The following ERBB4 variants were observed in gnomAD, a reference collection of about 807,000 sequenced individuals.
The protein encoded by ERBB4 is erb-b2 receptor tyrosine kinase 4, also known as receptor tyrosine-protein kinase erbB-4.
In ERBB4, 42 loss-of-function variants were observed where a neutral mutation model predicts 158.0. The observed-to-expected ratio is 0.27, with a 90% confidence interval of 0.21 to 0.34. The LOEUF (loss-of-function observed/expected upper bound fraction) is 0.34, where lower values mean the gene tolerates loss of function less well. ERBB4 is among the 10% of genes least tolerant of loss of function. The probability of loss-of-function intolerance (pLI) is 1.00; values close to 1 mark genes in which losing one functional copy is unlikely to be tolerated. For missense variants in ERBB4, 1,333 were observed against 1,624.1 expected, an observed-to-expected ratio of 0.82 and a Z score of 3.08; for synonymous variants, 583 against 558.7, an observed-to-expected ratio of 1.04 and a Z score of -0.61.
intron 3 of ERBB4, among the ~76,000 whole-genome samples, chr2:211,804,969 G>C (rs920554492): frequency 1.3e-5 from 2 of 150,664 alleles, no homozygotes; most frequent in Non-Finnish European, 2.9e-5. Context: ...ACCCAGGCTG[G>C]AGTGCAACGG....
intron 1 of ERBB4, among the ~76,000 whole-genome samples, chr2:212,475,519 C>T (rs532530598): frequency 6.6e-6 from 1 of 152,296 alleles, no homozygotes; most frequent in South Asian, 2.1e-4. Flanking sequence ...CTCCAGCAAG[C>T]CTTCTCTGCA....
intron 12 of ERBB4, among the ~76,000 whole-genome samples, chr2:211,695,276 C>G (rs991854079): frequency 6.6e-6 from 1 of 152,098 alleles, no homozygotes; most frequent in African/African-American, 2.4e-5. Context: ...AACTATAGTT[C>G]TGAAATTACC....
intron 25 of ERBB4, among the ~76,000 whole-genome samples, chr2:211,418,679 A>G (rs1047579729): frequency 5.3e-5 from 8 of 152,110 alleles, no homozygotes; most frequent in Non-Finnish European, 8.8e-5. Flanking sequence ...AGAAAGAAAA[A>G]CTATTTTTTT....
intron 3 of ERBB4, among the ~76,000 whole-genome samples, chr2:211,806,941 T>C (rs1219014750): frequency 2.0e-5 from 3 of 152,156 alleles, no homozygotes; most frequent in Non-Finnish European, 2.9e-5. Flanking sequence ...CTTTTAAAGA[T>C]AGTATCTTTA....
chr2:212,156,564 T>A (rs1052110548), intron 1 of ERBB4, among the ~76,000 whole-genome samples: 1 of 152,152 alleles, frequency 6.6e-6, no homozygotes, highest in Non-Finnish European at 1.5e-5. Flanking sequence ...AATATGATCT[T>A]CAACATAAGA....
chr2:211,854,961 A>G (rs990264821), intron 3 of ERBB4, among the ~76,000 whole-genome samples: 1 of 152,166 alleles, frequency 6.6e-6, no homozygotes. Flanking sequence ...GGATGTACCA[A>G]TTTAAACTCC....
chr2:211,401,012 G>A (rs2063030191), intron 25 of ERBB4, among the ~76,000 whole-genome samples: 1 of 151,948 alleles, frequency 6.6e-6, no homozygotes, highest in African/African-American at 2.4e-5. Flanking sequence ...GTAAAATAAT[G>A]AGAAATAATG....
In ERBB4 at chr2:212,188,415, G is replaced by A. The variant is rs191469158; in HGVS notation, c.83-63512C>T. Among the ~76,000 whole-genome samples the A allele has an allele frequency of 4.8e-3, 725 of 150,554 alleles. 6 individuals are homozygous for A. The highest frequency in any genetic ancestry group is 0.017 in the Middle Eastern group (5 of 294). On this transcript the variant is annotated intron_variant, in intron 1 of 27. Transcript: ENST00000342788. ...CAGGGTACACCTCCCTCTCCCACCC[G>A]ACCTCCTAGACACCTCACCCCTAGG...
intron 1 of ERBB4, among the ~76,000 whole-genome samples, chr2:212,489,880 G>T (rs1690178016): frequency 6.6e-6 from 1 of 151,704 alleles, no homozygotes; most frequent in Non-Finnish European, 1.5e-5. Context: ...ATTGCTTAAA[G>T]GGCCATGCTC....
intron 1 of ERBB4, among the ~76,000 whole-genome samples, chr2:212,404,399 A>T (rs2091289063): frequency 6.6e-6 from 1 of 152,010 alleles, no homozygotes; most frequent in Middle Eastern, 3.2e-3. Context: ...CTCATTATTG[A>T]TTCACTCATT....
At chr2:211,909,011 A>C (rs1026451602) in intron 3 of ERBB4, among the ~76,000 whole-genome samples, 1 of 151,742 alleles carries the variant, frequency 6.6e-6, no homozygotes, top group Non-Finnish European at 1.5e-5. Flanking sequence ...TGAAAAATGT[A>C]AAATATTAAC....
chr2:212,112,114 T>A (rs1575649529), intron 2 of ERBB4, among the ~76,000 whole-genome samples: 1 of 152,142 alleles, frequency 6.6e-6, no homozygotes, highest in Non-Finnish European at 1.5e-5. Context: ...AGCCTCAAAC[T>A]CCTGGGCTCA....
intron 1 of ERBB4, among the ~76,000 whole-genome samples, chr2:212,205,476 A>G (rs1307911006): frequency 6.6e-6 from 1 of 152,192 alleles, no homozygotes; most frequent in Non-Finnish European, 1.5e-5. Context: ...TAAAAAACAA[A>G]CGGTCATTTT....
intron 5 of ERBB4, among the ~76,000 whole-genome samples, chr2:211,746,748 T>C (rs2074984573): frequency 6.7e-6 from 1 of 150,060 alleles, no homozygotes. Flanking sequence ...GAGAATTGCT[T>C]GAACCCGGGA....
At chr2:211,562,769 C>CTTTTTTTTTTTTT (rs367801279) in intron 19 of ERBB4, among the ~76,000 whole-genome samples, 3 of 125,736 alleles carry the variant, frequency 2.4e-5, no homozygotes, top group African/African-American at 7.1e-5. Flanking sequence ...ACTACTCCAA[C>CTTTTTTTTTTTTT]TTTTTTTTTT....
chr2:211,718,915 TA>T (rs1215940357), intron 7 of ERBB4, among the ~76,000 whole-genome samples: 1 of 152,208 alleles, frequency 6.6e-6, no homozygotes, highest in Admixed American at 6.5e-5. Flanking sequence ...TACACTGTTT[TA>T]TTTTCTTAGG....
intron 3 of ERBB4, among the ~76,000 whole-genome samples, chr2:211,832,642 G>A (rs75928573): frequency 0.044 from 6,555 of 150,294 alleles, 242 homozygotes; most frequent in Non-Finnish European, 0.065. Context: ...ACACATATAT[G>A]TAACCAGCAT....
At chr2:211,844,652 C>T (rs779998559) in intron 3 of ERBB4, among the ~76,000 whole-genome samples, 2 of 152,110 alleles carry the variant, frequency 1.3e-5, no homozygotes, top group African/African-American at 4.8e-5. Context: ...ACAGATGACA[C>T]TTTTATAAAC....
At chr2:211,840,492 C>T (rs1339490136) in intron 3 of ERBB4, among the ~76,000 whole-genome samples, 3 of 152,040 alleles carry the variant, frequency 2.0e-5, no homozygotes, top group South Asian at 2.1e-4. Flanking sequence ...CATGGATGGG[C>T]CTGCTTAAGG....
Sources: allele counts gnomAD v4.1 joint callset (sites outside exome capture counted in the v4.1 genomes callset), GRCh38; gene constraint gnomAD v4.1.1; transcripts MANE v1.5; gene names NCBI Gene and HGNC (gene_info 2026-07-23, HGNC 2026-07-21).